The following CDH20 variants were observed in gnomAD, a reference collection of about 807,000 sequenced individuals.
CDH20 encodes cadherin 20, also known as cadherin-20.
Under a neutral mutation model 74.2 loss-of-function variants are expected in CDH20, and 29 were observed. That is an observed-to-expected ratio of 0.39 (90% CI 0.29 to 0.53). The LOEUF (loss-of-function observed/expected upper bound fraction) is 0.53, where lower values mean the gene tolerates loss of function less well. Ranked by LOEUF, CDH20 falls within the 20% of genes least tolerant of loss-of-function variation. The pLI is 0.69. For missense variants in CDH20, 988 were observed against 1,048.3 expected, an observed-to-expected ratio of 0.94 and a Z score of 0.79; for synonymous variants, 469 against 405.4, an observed-to-expected ratio of 1.16 and a Z score of -1.88.
chr18:61,464,839 C>T (rs990510391), intron 1 of CDH20, among the ~76,000 whole-genome samples: 15 of 152,210 alleles, frequency 9.9e-5, no homozygotes, highest in Non-Finnish European at 1.8e-4. Flanking sequence ...CCAGAGCTGA[C>T]GTTGAAGTCA....
chr18:61,515,928 T>C (rs1326697820), intron 6 of CDH20, among the ~76,000 whole-genome samples: 1 of 10,298 alleles, frequency 9.7e-5, no homozygotes, highest in Non-Finnish European at 2.6e-4. Flanking sequence ...TAAAGTATAA[T>C]AATAATTTTA....
rs1308170992 is a variant in CDH20, at chr18:61,538,620, GTTTTGT to G, written c.1409-399_1409-394del. Among the ~76,000 whole-genome samples the G allele has an allele frequency of 4.8e-4, 20 of 41,566 alleles. 3 individuals carry two copies. The highest frequency in any genetic ancestry group is 1.4e-3 in the African/African-American group (20 of 13,928). The allele number at this position is 41,566 out of a possible 152,430, so 27.3% of individuals were successfully genotyped here. A position where few individuals can be genotyped will look rare whatever the true frequency, so the allele number is the denominator to read the frequency against. ...TGTTTTTGTTTTTGTTTTTGTTTTT[GTTTTGT>G]TTTTTTTTTTGAGACGGAGTCTTAC... is the stretch of plus-strand genomic sequence containing the variant. On this transcript the variant is annotated intron_variant, in intron 8 of 11. Coordinates refer to ENST00000262717, the MANE Select transcript of CDH20 (RefSeq NM_031891.4).
chr18:61,475,713 G>A (rs1409638378), intron 1 of CDH20, among the ~76,000 whole-genome samples: 2 of 152,152 alleles, frequency 1.3e-5, no homozygotes, highest in Non-Finnish European at 2.9e-5. Flanking sequence ...AGTGGAAAAT[G>A]ATCAATTGAT....
At chr18:61,491,028 T>C (rs2144297706) in intron 2 of CDH20, among the ~76,000 whole-genome samples, 1 of 152,204 alleles carries the variant, frequency 6.6e-6, no homozygotes, top group African/African-American at 2.4e-5. Context: ...AAAGTGGGAA[T>C]TGGGATTTGG....
At chr18:61,386,399 C>G (rs1474575052) in intron 1 of CDH20, among the ~76,000 whole-genome samples, 1 of 152,176 alleles carries the variant, frequency 6.6e-6, no homozygotes, top group Non-Finnish European at 1.5e-5. Context: ...GGAGAAGGCA[C>G]TATCTATGAA....
chr18:61,424,116 G>A (rs963625176), intron 1 of CDH20, among the ~76,000 whole-genome samples: 6 of 152,150 alleles, frequency 3.9e-5, no homozygotes, highest in African/African-American at 4.8e-5. Flanking sequence ...ACATACTTAC[G>A]GGGTACATGT....
At position 61,502,992 on chromosome 18, in the gene CDH20, C is replaced by T; in HGVS notation, c.701C>T (p.Ala234Val). 2 of 1,613,734 alleles carry T rather than the reference C, an allele frequency of 1.2e-6. No individual in the cohort carries two copies. The highest frequency in any genetic ancestry group is 2.2e-5 in the East Asian group (1 of 44,860). The change falls in exon 5 of 12, where the codon GCC becomes GTC. Residue 234 changes from alanine (A) to valine (V), a missense_variant. Physicochemically the swap from Ala to Val is moderately conservative, Grantham distance 64. Transcript: ENST00000262717. ...RTALMNMDREAKEYYEVIIQA... is the reference protein window; with the variant it reads ...RTALMNMDREVKEYYEVIIQA... The stretch of plus-strand genomic sequence containing the variant: ...GCGCTCATGAACATGGACAGAGAAG[C>T]CAAAGAATACTACGAAGTGATTATC...
At chr18:61,448,104 T>A (rs1318573972) in intron 1 of CDH20, among the ~76,000 whole-genome samples, 1 of 152,194 alleles carries the variant, frequency 6.6e-6, no homozygotes, top group African/African-American at 2.4e-5. Flanking sequence ...ATACTGACAT[T>A]GCAGGGCACT....
At chr18:61,503,988 G>A (rs688351) in intron 5 of CDH20, among the ~76,000 whole-genome samples, 151,121 of 152,320 alleles carry the variant, frequency 0.99, 74,976 homozygotes, top group East Asian at 1. Flanking sequence ...ACAAAACAAC[G>A]TCTCTACCAT....
chr18:61,431,766 TAA>T (rs1568136667), intron 1 of CDH20, among the ~76,000 whole-genome samples: 1 of 152,202 alleles, frequency 6.6e-6, no homozygotes, highest in East Asian at 1.9e-4. Context: ...TGAGCTTCTA[TAA>T]AAGTTTGGTG....
chr18:61,413,420 A>G (rs1003218578), intron 1 of CDH20, among the ~76,000 whole-genome samples: 1 of 152,176 alleles, frequency 6.6e-6, no homozygotes, highest in African/African-American at 2.4e-5. Context: ...ACTCGCTTTC[A>G]ATATGAAAGC....
chr18:61,437,362 C>T (rs1908872918), intron 1 of CDH20, among the ~76,000 whole-genome samples: 1 of 152,156 alleles, frequency 6.6e-6, no homozygotes, highest in South Asian at 2.1e-4. Context: ...TTCCATCAGG[C>T]CATTTATGGC....
At chr18:61,402,331 G>C (rs1394155958) in intron 1 of CDH20, among the ~76,000 whole-genome samples, 1 of 152,068 alleles carries the variant, frequency 6.6e-6, no homozygotes, top group African/African-American at 2.4e-5. Context: ...CAAATTCTCT[G>C]ATAAGATTTA....
At chr18:61,474,800 G>T (rs1361736878) in intron 1 of CDH20, among the ~76,000 whole-genome samples, 2 of 152,094 alleles carry the variant, frequency 1.3e-5, no homozygotes, top group East Asian at 1.9e-4. Flanking sequence ...AGTGGCAGGG[G>T]GCACAGAAGA....
At chr18:61,454,112 G>A (rs997054461) in intron 1 of CDH20, among the ~76,000 whole-genome samples, 1 of 152,128 alleles carries the variant, frequency 6.6e-6, no homozygotes, top group Non-Finnish European at 1.5e-5. Flanking sequence ...CTTCTTTGGT[G>A]ATACGTTTCT....
intron 7 of CDH20, among the ~76,000 whole-genome samples, chr18:61,531,220 C>A (rs1912625472): frequency 6.6e-6 from 1 of 152,238 alleles, no homozygotes; most frequent in Non-Finnish European, 1.5e-5. Context: ...CTGAGGAAGG[C>A]TCCTGGTGTG....
chr18:61,447,475 T>C lies in CDH20; in HGVS notation c.-152-42927T>C, dbSNP rs531643554. On this transcript the variant is annotated intron_variant, in intron 1 of 11. Coordinates refer to ENST00000262717, the MANE Select transcript of CDH20 (RefSeq NM_031891.4). ...TCAAGAGATCTAAGAGAAAATACAA[T>C]ACACAAAGAGATTGGCGACGAGCAG... Among the ~76,000 whole-genome samples, 57 of 152,224 alleles carry C rather than the reference T, an allele frequency of 3.7e-4. No homozygotes were observed. In the South Asian group the frequency reaches 0.011, roughly 30 times the overall value.
At chr18:61,546,548 T>C (rs916749176) in intron 10 of CDH20, among the ~76,000 whole-genome samples, 1 of 152,174 alleles carries the variant, frequency 6.6e-6, no homozygotes, top group Non-Finnish European at 1.5e-5. Flanking sequence ...CCGCAAAAAG[T>C]GCTTTCAACC....
chr18:61,404,546 C>T (rs909090019), intron 1 of CDH20, among the ~76,000 whole-genome samples: 4 of 152,208 alleles, frequency 2.6e-5, no homozygotes, highest in African/African-American at 9.6e-5. Context: ...TGATATGAGG[C>T]ACGATATTGA....
Sources: gnomAD v4.1 joint callset for allele counts (sites outside exome capture counted in the v4.1 genomes callset) on GRCh38, gnomAD v4.1.1 for gene constraint, MANE v1.5 for transcripts, NCBI Gene and HGNC (gene_info 2026-07-23, HGNC 2026-07-21) for gene names.